RBM20: variants seen among roughly 807,000 people sequenced by gnomAD.
RBM20 encodes RNA-binding protein 20.
A neutral mutation model predicts 110.1 loss-of-function variants in RBM20; 51 were observed. The ratio of observed to expected loss-of-function variants is 0.46; its 90% CI spans 0.37 to 0.59. The LOEUF (loss-of-function observed/expected upper bound fraction) is 0.59, where lower values mean the gene tolerates loss of function less well. RBM20 is among the 20% of genes least tolerant of loss of function. The probability of loss-of-function intolerance (pLI) is 0.00; values close to 1 mark genes in which losing one functional copy is unlikely to be tolerated. For missense variants in RBM20, 1,512 were observed against 1,574.9 expected, an observed-to-expected ratio of 0.96 and a Z score of 0.68; for synonymous variants, 589 against 618.2, an observed-to-expected ratio of 0.95 and a Z score of 0.70.
intron 10 of RBM20, among the ~76,000 whole-genome samples, chr10:110,820,762 A>G (rs1342534952): frequency 2.6e-5 from 4 of 152,144 alleles, no homozygotes; most frequent in Non-Finnish European, 4.4e-5. Flanking sequence ...GATCTCCTAA[A>G]TCTGTCTGTG....
At chr10:110,680,259 C>T (rs1052368808) in intron 1 of RBM20, among the ~76,000 whole-genome samples, 4 of 151,952 alleles carry the variant, frequency 2.6e-5, no homozygotes, top group African/African-American at 4.8e-5. Flanking sequence ...TTGCCTCCTT[C>T]GGAGCAGATG....
At chr10:110,675,707 G>A (rs142744621) in intron 1 of RBM20, among the ~76,000 whole-genome samples, 1,905 of 152,222 alleles carry the variant, frequency 0.013, 16 homozygotes, top group Admixed American at 0.022. Flanking sequence ...AGGGAGCCCC[G>A]CCTTTCAAGT....
chr10:110,728,530 G>A (rs185097530), intron 1 of RBM20, among the ~76,000 whole-genome samples: 7 of 152,216 alleles, frequency 4.6e-5, no homozygotes, highest in Admixed American at 3.9e-4. Flanking sequence ...TCAAGGTGAG[G>A]GGGAGTGACT....
chr10:110,710,835 G>A (rs191387410), intron 1 of RBM20, among the ~76,000 whole-genome samples: 119 of 152,332 alleles, frequency 7.8e-4, no homozygotes, highest in Non-Finnish European at 1.4e-3. Flanking sequence ...CTTCATGTGA[G>A]TCCCAGGCTC....
Position 110,721,295 on chromosome 10 carries a change from A to C in RBM20, c.192-59506A>C, listed in dbSNP as rs115818559. Among the ~76,000 whole-genome samples the C allele has an allele frequency of 5.0e-3, 762 of 152,310 alleles. 7 individuals are homozygous for C. Among genetic ancestry groups the C allele is most frequent in the African/African-American group, 0.017 (716 of 41,574 alleles). On this transcript the variant is annotated intron_variant, in intron 1 of 13. Transcript: ENST00000369519. ...CTCCATCCCTAGAGCAATGCCTGCC[A>C]TATGGCAGCCCCTCACCTGTTTGTT...
chr10:110,788,509 C>T (rs912359251), intron 5 of RBM20, among the ~76,000 whole-genome samples: 9 of 152,204 alleles, frequency 5.9e-5, no homozygotes, highest in African/African-American at 2.2e-4. Context: ...GGGACAAGGA[C>T]AAAGCCTGCC....
intron 1 of RBM20, among the ~76,000 whole-genome samples, chr10:110,657,361 C>T (rs1376986701): frequency 6.6e-6 from 1 of 151,592 alleles, no homozygotes; most frequent in Non-Finnish European, 1.5e-5. Context: ...GTATGAAGTA[C>T]TATCTCAATG....
chr10:110,666,241 A>C (rs1401005877), intron 1 of RBM20, among the ~76,000 whole-genome samples: 8 of 152,310 alleles, frequency 5.3e-5, no homozygotes, highest in Non-Finnish European at 1.0e-4. Context: ...AAGTTTCCGT[A>C]ATAAAAAGTT....
At chr10:110,751,347 T>C (rs528973652) in intron 1 of RBM20, among the ~76,000 whole-genome samples, 1 of 152,226 alleles carries the variant, frequency 6.6e-6, no homozygotes, top group African/African-American at 2.4e-5. Context: ...CCATGTTTAT[T>C]CATCTCCACA....
intron 7 of RBM20, among the ~76,000 whole-genome samples, chr10:110,805,126 A>G (rs943987574): frequency 2.0e-5 from 3 of 152,138 alleles, no homozygotes; most frequent in African/African-American, 7.2e-5. Context: ...GGAAGAGTTC[A>G]CTCTCCAACT....
intron 9 of RBM20, 65 bp downstream of exon 9, chr10:110,813,012 A>G: frequency 8.8e-7 from 1 of 1,130,310 alleles, no homozygotes; most frequent in Non-Finnish European, 1.2e-6. Flanking sequence ...TCATAATAAT[A>G]TAATGAGGAT....
chr10:110,676,297 G>A (rs1268927370), intron 1 of RBM20, among the ~76,000 whole-genome samples: 1 of 152,166 alleles, frequency 6.6e-6, no homozygotes, highest in Non-Finnish European at 1.5e-5. Context: ...ACTTCCTGAC[G>A]GCGCTGACAG....
At chr10:110,832,546 A>G (rs1456064332) in intron 13 of RBM20, among the ~76,000 whole-genome samples, 1 of 152,166 alleles carries the variant, frequency 6.6e-6, no homozygotes, top group East Asian at 1.9e-4. Flanking sequence ...TAAAAAAAAA[A>G]CAAACTCAGA....
At position 110,821,289 on chromosome 10, in the gene RBM20, G is replaced by C; in HGVS notation, c.2670G>C (p.Glu890Asp). ...TTTTTGTACAGGAACAAGATTGGGAGAGTGAAAGTGAGGCAGAGGGGGAGA... is the reference window on the plus strand; with the variant it reads ...TTTTTGTACAGGAACAAGATTGGGACAGTGAAAGTGAGGCAGAGGGGGAGA... ...NTRTKKEQDW[E>D]SESEAEGESW... The change falls in exon 11 of 14, where the codon GAG (glutamate) becomes GAC (aspartate). Residue 890 changes from glutamate to aspartate, a missense_variant. Glu to Asp is a conservative substitution (Grantham distance 45, BLOSUM62 2). Around this residue, in one of 3 missense-constraint regions of RBM20, gnomAD observed 1,149 missense variants for 1,169.4 expected, o/e 0.98. Transcript: ENST00000369519. 6.4e-7 allele frequency: 1 copy of C among 1,551,324 alleles called. No homozygotes were observed. Among genetic ancestry groups the C allele is most frequent in the South Asian group, 1.2e-5 (1 of 84,034 alleles).
At chr10:110,729,543 A>G (rs1342035950) in intron 1 of RBM20, among the ~76,000 whole-genome samples, 3 of 152,216 alleles carry the variant, frequency 2.0e-5, no homozygotes, top group Non-Finnish European at 4.4e-5. Flanking sequence ...TATGAGCCGC[A>G]GGAGGGCAGA....
chr10:110,652,927 G>A (rs1012872003), intron 1 of RBM20, among the ~76,000 whole-genome samples: 7 of 152,098 alleles, frequency 4.6e-5, no homozygotes, highest in Non-Finnish European at 8.8e-5. Flanking sequence ...CCACCCACAC[G>A]GGACTTTTAT....
At chr10:110,663,439 C>A (rs1282958617) in intron 1 of RBM20, among the ~76,000 whole-genome samples, 2 of 152,180 alleles carry the variant, frequency 1.3e-5, no homozygotes, top group Non-Finnish European at 2.9e-5. Context: ...AAGCGGATGG[C>A]ATGCTATCTA....
At chr10:110,735,481 A>G (rs900134168) in intron 1 of RBM20, among the ~76,000 whole-genome samples, 1 of 152,150 alleles carries the variant, frequency 6.6e-6, no homozygotes, top group African/African-American at 2.4e-5. Flanking sequence ...GTCCTGATTG[A>G]ATAGTGTTCC....
intron 9 of RBM20, among the ~76,000 whole-genome samples, chr10:110,816,740 G>C (rs1844845674): frequency 6.6e-6 from 1 of 152,184 alleles, no homozygotes. Context: ...CAGGTGTCCA[G>C]TGAGTACCTG....
Sources: gnomAD v4.1 joint callset for allele counts (sites outside exome capture counted in the v4.1 genomes callset) on GRCh38, gnomAD v4.1.1 for gene constraint, gnomAD v4.1.1 regional missense constraint, MANE v1.5 for transcripts, NCBI Gene and HGNC (gene_info 2026-07-23, HGNC 2026-07-21) for gene names.